The following UBN2 variants were observed in gnomAD, a reference collection of about 807,000 sequenced individuals.
UBN2 encodes the protein ubinuclein-2.
Under a neutral mutation model 120.2 loss-of-function variants are expected in UBN2, and 35 were observed. The observed-to-expected ratio is 0.29, with a 90% confidence interval of 0.22 to 0.39. UBN2 has a LOEUF of 0.39. Ranked by LOEUF, UBN2 falls within the 10% of genes least tolerant of loss-of-function variation. UBN2 has a pLI of 1.00. For missense variants in UBN2, 1,693 were observed against 1,663.2 expected (o/e 1.02, Z -0.31); for synonymous variants, 661 against 648.7 (o/e 1.02, Z -0.29).
chr7:139,311,326 CT>C (rs1798444371), downstream of UBN2, among the ~76,000 whole-genome samples: 1 of 152,222 alleles, frequency 6.6e-6, no homozygotes, highest in Non-Finnish European at 1.5e-5. Context: ...TTTTCTCCCT[CT>C]GTGTATTTGC....
chr7:139,256,040 T>C (rs991224709), intron 3 of UBN2, among the ~76,000 whole-genome samples: 1 of 152,222 alleles, frequency 6.6e-6, no homozygotes, highest in African/African-American at 2.4e-5. Context: ...AGGCAAAGAA[T>C]CTAAATCCAG....
intron 2 of UBN2, among the ~76,000 whole-genome samples, chr7:139,242,783 T>C (rs916344675): frequency 6.6e-6 from 1 of 152,238 alleles, no homozygotes; most frequent in African/African-American, 2.4e-5. Context: ...TATGTGGTGA[T>C]TATAGAAGTT....
intron 11 of UBN2, 24 bp from the exon 12 acceptor site, chr7:139,276,073 A>G: frequency 6.3e-7 from 1 of 1,593,126 alleles, no homozygotes; most frequent in South Asian, 1.1e-5. Flanking sequence ...GAAAATAATA[A>G]TTGTGTTCTT....
At chr7:139,270,156 G>A (rs933879191) in intron 8 of UBN2, among the ~76,000 whole-genome samples, 9 of 151,498 alleles carry the variant, frequency 5.9e-5, no homozygotes, top group Non-Finnish European at 1.2e-4. Context: ...ATTTAGTTTT[G>A]CATATTTTTG....
At chr7:139,285,896 C>G (rs1214409234) in intron 15 of UBN2, among the ~76,000 whole-genome samples, 1 of 151,940 alleles carries the variant, frequency 6.6e-6, no homozygotes, top group Non-Finnish European at 1.5e-5. Flanking sequence ...GCACCCGCCA[C>G]CATGCCTGGC....
chr7:139,236,898 G>T, intron 1 of UBN2, 107 bp from the exon 2 acceptor site: 1 of 540,348 alleles, frequency 1.9e-6, no homozygotes, highest in Non-Finnish European at 3.2e-6. Flanking sequence ...CACATTTATT[G>T]AAATAGAATT....
intron 13 of UBN2, among the ~76,000 whole-genome samples, chr7:139,281,158 T>A (rs1362663962): frequency 1.3e-5 from 2 of 152,214 alleles, no homozygotes; most frequent in Non-Finnish European, 2.9e-5. Context: ...ATAGGAAATT[T>A]ATTAAATTCT....
chr7:139,314,777 G>GCCCGGCCAATTTTTAATTGATTGT, the UBN2 span, among the ~76,000 whole-genome samples: 1 of 151,802 alleles, frequency 6.6e-6, no homozygotes, highest in Non-Finnish European at 1.5e-5. Context: ...GAGCCACGGT[G>GCCCGGCCAATTTTTAATTGATTGT]CCCGGCCAAT....
rs1340977427 is a variant in UBN2 at position 139,299,652 on chromosome 7, A to G, written c.*1816A>G. 6.6e-6 allele frequency: 1 copy of G among 152,230 alleles called. No homozygotes were observed. The highest frequency in any genetic ancestry group is 1.5e-5 in the Non-Finnish European group (1 of 68,030). The allele number at this position is 152,230 out of a possible 1,614,324, so 9.4% of individuals were successfully genotyped here. Reference sequence around the variant, plus strand: ...AGAATTTAGTTTATCAATAAAACAAATATGGATGTAGTATGAACCCCAGTA... The same window carrying G: ...AGAATTTAGTTTATCAATAAAACAAGTATGGATGTAGTATGAACCCCAGTA... On this transcript the variant is annotated 3_prime_UTR_variant, in exon 18 of 18. Coordinates refer to ENST00000473989, the MANE Select transcript of UBN2 (RefSeq NM_173569.4).
In UBN2 at chr7:139,231,404, AG is replaced by A; in HGVS notation, c.-80del. 8.7e-7 allele frequency: 1 copy of A among 1,143,528 alleles called. No homozygotes were observed. 70.8% of individuals were successfully genotyped at this position (1,143,528 alleles called of 1,614,324 possible). ...GAGGGAAGAAAAGCGACAGAGAGCA[AG>A]AGGAAGGGCGGGCAGGCACGCAGCG... is the stretch of plus-strand genomic sequence containing the variant. On this transcript the variant is annotated 5_prime_UTR_variant, in exon 1 of 18. An upstream open reading frame in the 5' UTR gains an earlier in-frame stop. Coordinates refer to ENST00000473989, the MANE Select transcript of UBN2 (RefSeq NM_173569.4).
In UBN2 at chr7:139,303,239, T is replaced by C. The variant is rs1798301452; in HGVS notation, c.*5403T>C. Reference sequence around the variant, plus strand: ...CATTTGGCTTAATCTGATTTTATGGTTATTTAGATTTCTCCCTTGAGCAAA... The same window carrying C: ...CATTTGGCTTAATCTGATTTTATGGCTATTTAGATTTCTCCCTTGAGCAAA... On this transcript the variant is annotated 3_prime_UTR_variant, in exon 18 of 18. Transcript: ENST00000473989. The C allele has an allele frequency of 6.6e-6, 1 of 152,222 alleles. No homozygotes were observed. The highest frequency in any genetic ancestry group is 2.4e-5 in the African/African-American group (1 of 41,458). The allele number at this position is 152,222 out of a possible 1,614,324, so 9.4% of individuals were successfully genotyped here.
intron 5 of UBN2, among the ~76,000 whole-genome samples, chr7:139,260,144 G>A (rs1796887063): frequency 6.6e-6 from 1 of 151,572 alleles, no homozygotes; most frequent in African/African-American, 2.4e-5. Context: ...TGTCACCCAG[G>A]CTGGAGTGCA....
At chr7:139,308,689 A>G (rs1396917294), downstream of UBN2, among the ~76,000 whole-genome samples, 3 of 152,114 alleles carry the variant, frequency 2.0e-5, no homozygotes, top group South Asian at 4.1e-4. Context: ...TTTTTGGGTA[A>G]TAGGGTATGT....
rs374472628 is a variant in UBN2 at position 139,261,379 on chromosome 7, A to G, written c.1033A>G (p.Lys345Glu). ...KDALKKESNPKVPVTLSTPSL... is the reference protein window; with the variant it reads ...KDALKKESNPEVPVTLSTPSL... ...TGCATTAAAGAAGGAGTCTAACCCC[A>G]AAGTCCCAGTGACCTTGTCAACCCC... The change falls in exon 6 of 18, where the codon AAA becomes GAA. Residue 345 changes from lysine to glutamate, a missense_variant. By Grantham distance (56) the Lys-to-Glu change is moderately conservative. Transcript: ENST00000473989. 16 of 1,614,084 alleles carry G rather than the reference A, an allele frequency of 9.9e-6. No individual in the cohort carries two copies. The African/African-American group carries it at 1.6e-4, about 16-fold the overall frequency.
At chr7:139,317,136 G>A in the UBN2 span, among the ~76,000 whole-genome samples, 4 of 151,432 alleles carry the variant, frequency 2.6e-5, no homozygotes, top group Non-Finnish European at 5.9e-5. Context: ...TCTCTATTCT[G>A]TTTGATGTTC....
chr7:139,276,060 A>G (rs570508749), intron 11 of UBN2, 37 bp from the exon 12 acceptor site: 3 of 1,549,692 alleles, frequency 1.9e-6, no homozygotes, highest in African/African-American at 2.7e-5. Context: ...TATCTGCTAT[A>G]AAGAAAATAA....
intron 6 of UBN2, among the ~76,000 whole-genome samples, chr7:139,263,699 G>A (rs1246993367): frequency 6.6e-6 from 1 of 151,278 alleles, no homozygotes; most frequent in African/African-American, 2.4e-5. Context: ...GCTTGAACCC[G>A]GGAGGTGGAG....
chr7:139,269,472 C>T lies in UBN2; in HGVS notation c.1545C>T (p.Cys515=). 6.2e-7 allele frequency: 1 copy of T among 1,614,028 alleles called. No homozygotes were observed. Among genetic ancestry groups the T allele is most frequent in the Non-Finnish European group, 8.5e-7 (1 of 1,179,980 alleles). The change falls in exon 8 of 18, where the codon TGC becomes TGT. Residue 515 remains cysteine (C), a synonymous_variant. Coordinates refer to ENST00000473989, the MANE Select transcript of UBN2 (RefSeq NM_173569.4). ...VYSHLEAFVP[C]NKETLVKRLK... is the part of the protein sequence containing the mutation. ...CCCACCTTGAAGCTTTTGTGCCATG[C>T]AATAAAGAAACACTAGTAAAACGTC...
At chr7:139,247,393 T>A (rs562132290) in intron 2 of UBN2, among the ~76,000 whole-genome samples, 3 of 152,306 alleles carry the variant, frequency 2.0e-5, no homozygotes, top group African/African-American at 7.2e-5. Context: ...AACACTAATT[T>A]CAGTTTTGCT....
Sources: allele counts gnomAD v4.1 joint callset (sites outside exome capture counted in the v4.1 genomes callset), GRCh38; gene constraint gnomAD v4.1.1; transcripts MANE v1.5; gene names NCBI Gene and HGNC (gene_info 2026-07-23, HGNC 2026-07-21).